Variants in STAT5B observed in about 807,000 individuals in gnomAD.
STAT5B encodes the protein transcription factor STAT5B.
A neutral mutation model predicts 107.8 loss-of-function variants in STAT5B; 21 were observed. The ratio of observed to expected loss-of-function variants is 0.19; its 90% CI spans 0.14 to 0.28. STAT5B has a LOEUF of 0.28. Among genes scored for constraint, STAT5B ranks in the 10% least tolerant of loss-of-function variants. STAT5B has a pLI of 1.00. For missense variants in STAT5B, 565 were observed against 1,008.2 expected, an observed-to-expected ratio of 0.56 and a Z score of 5.95; for synonymous variants, 325 against 401.7, an observed-to-expected ratio of 0.81 and a Z score of 2.28.
chr17:42,253,694 G>C (rs2080518500), intron 1 of STAT5B, among the ~76,000 whole-genome samples: 1 of 152,068 alleles, frequency 6.6e-6, no homozygotes, highest in East Asian at 1.9e-4. Flanking sequence ...ATTATTTTTA[G>C]AGACAGGGTC....
intron 1 of STAT5B, among the ~76,000 whole-genome samples, chr17:42,239,969 T>C (rs1377123599): frequency 6.6e-6 from 1 of 151,820 alleles, no homozygotes; most frequent in Non-Finnish European, 1.5e-5. Context: ...CTACTAAAAA[T>C]TAAAAAAGAA....
chr17:42,244,647 C>T lies in STAT5B; in HGVS notation c.-10-12510G>A, dbSNP rs374175225. 1.8e-3 allele frequency among the ~76,000 whole-genome samples: 275 copies of T among 152,188 alleles called. 2 individuals are homozygous for T. Among genetic ancestry groups the T allele is most frequent in the African/African-American group, 6.2e-3 (256 of 41,514 alleles). ...ATATTTTCCCTATTAAAGTTCATGG[C>T]CTCCCTCTTACCATTGAGAATTACA... On this transcript the variant is annotated intron_variant, in intron 1 of 18. Coordinates refer to ENST00000293328, the MANE Select transcript of STAT5B (RefSeq NM_012448.4).
At chr17:42,229,212 C>T (rs1255768056) in intron 2 of STAT5B, among the ~76,000 whole-genome samples, 4 of 152,130 alleles carry the variant, frequency 2.6e-5, no homozygotes, top group African/African-American at 7.2e-5. Context: ...TGCAGTAGCA[C>T]GATCTTAGCT....
At chr17:42,226,605 C>T (rs2080273968) in intron 3 of STAT5B, among the ~76,000 whole-genome samples, 1 of 151,362 alleles carries the variant, frequency 6.6e-6, no homozygotes, top group African/African-American at 2.4e-5. Flanking sequence ...GTCGGGAGTT[C>T]GAAACCAGCC....
At chr17:42,223,813 T>C (rs201078119) in intron 4 of STAT5B, among the ~76,000 whole-genome samples, 1 of 152,060 alleles carries the variant, frequency 6.6e-6, no homozygotes, top group East Asian at 1.9e-4. Flanking sequence ...ACCAGAGTAT[T>C]CCAAACGAGG....
intron 1 of STAT5B, among the ~76,000 whole-genome samples, chr17:42,238,202 T>C (rs910268673): frequency 2.6e-5 from 4 of 151,218 alleles, no homozygotes; most frequent in South Asian, 2.1e-4. Flanking sequence ...GGTGTGATCA[T>C]GGTTCACTGC....
rs1469214587 is a variant in STAT5B at position 42,201,549 on chromosome 17, C to A, written c.*189G>T. On this transcript the variant is annotated 3_prime_UTR_variant, in exon 19 of 19. Transcript: ENST00000293328. ...GCACACACACACACACACACACACACACACAAACACATACTCGCACTCCCT... is the reference window on the plus strand; with the variant it reads ...GCACACACACACACACACACACACAAACACAAACACATACTCGCACTCCCT... The A allele has an allele frequency of 3.0e-6, 2 of 666,006 alleles. No individual in the cohort carries two copies. Among genetic ancestry groups the A allele is most frequent in the African/African-American group, 1.8e-5 (1 of 55,482 alleles). 41.3% of individuals were successfully genotyped at this position (666,006 alleles called of 1,614,324 possible). A position where few individuals can be genotyped will look rare whatever the true frequency, so the allele number is the denominator to read the frequency against.
intron 1 of STAT5B, chr17:42,234,987 G>C (rs902557173): frequency 3.9e-5 from 6 of 152,218 alleles, no homozygotes; most frequent in Admixed American, 3.3e-4. Flanking sequence ...AGAGTAAGAA[G>C]TAGGCCCTCA....
chr17:42,243,556 C>T (rs1228936110), intron 1 of STAT5B, among the ~76,000 whole-genome samples: 1 of 152,072 alleles, frequency 6.6e-6, no homozygotes, highest in Non-Finnish European at 1.5e-5. Flanking sequence ...GCAGGAGAAA[C>T]GGAAGAGTGA....
At chr17:42,250,673 C>T (rs2144358012) in intron 1 of STAT5B, among the ~76,000 whole-genome samples, 1 of 152,064 alleles carries the variant, frequency 6.6e-6, no homozygotes, top group African/African-American at 2.4e-5. Context: ...GCCTGTAATC[C>T]CAGCACTTTA....
intron 1 of STAT5B, among the ~76,000 whole-genome samples, chr17:42,253,756 G>T (rs2080519103): frequency 2.0e-5 from 3 of 152,118 alleles, no homozygotes; most frequent in Admixed American, 1.3e-4. Flanking sequence ...ACTCATTGCA[G>T]CCTGTGACTC....
chr17:42,239,952 C>G (rs1359653099), intron 1 of STAT5B, among the ~76,000 whole-genome samples: 3 of 152,112 alleles, frequency 2.0e-5, no homozygotes, highest in Non-Finnish European at 2.9e-5. Flanking sequence ...ATGGCGAAAC[C>G]CCATCTCTAC....
At chr17:42,272,294 T>C (rs535608560) in intron 1 of STAT5B, 1 of 152,118 alleles carries the variant, frequency 6.6e-6, no homozygotes, top group South Asian at 2.1e-4. Context: ...TTTAAGCGAG[T>C]CCAGAAAAAC....
rs1567659427 is a variant in STAT5B at position 42,218,381 on chromosome 17, A to G, written c.990-51T>C. On this transcript the variant is annotated intron_variant, in intron 8 of 18. Transcript: ENST00000293328. The stretch of plus-strand genomic sequence containing the variant: ...ATGATGAGGGGCTGGTGCAGGGGAA[A>G]GGGCTCTCAGTCCCTCTGTGGTGGG... 3.2e-6 allele frequency: 5 copies of G among 1,585,400 alleles called. No individual in the cohort carries two copies. The South Asian group carries it at 3.4e-5, about 11-fold the overall frequency.
At chr17:42,213,339 TG>T (rs1237715265) in intron 12 of STAT5B, among the ~76,000 whole-genome samples, 1 of 151,988 alleles carries the variant, frequency 6.6e-6, no homozygotes, top group African/African-American at 2.4e-5. Context: ...CCCAAACAGC[TG>T]GGACTACAGG....
chr17:42,239,119 G>C (rs767201262), intron 1 of STAT5B, among the ~76,000 whole-genome samples: 1 of 151,608 alleles, frequency 6.6e-6, no homozygotes, highest in Non-Finnish European at 1.5e-5. Flanking sequence ...GTGGTGCCAT[G>C]CTCCTGTAGT....
chr17:42,218,540 C>T (rs2080194271), intron 8 of STAT5B, among the ~76,000 whole-genome samples, 183 bp downstream of exon 8: 1 of 152,130 alleles, frequency 6.6e-6, no homozygotes, highest in South Asian at 2.1e-4. Flanking sequence ...TGGGCTGCAG[C>T]CCAAGGGCAT....
At chr17:42,234,159 T>A (rs1444231213) in intron 1 of STAT5B, 2 of 152,222 alleles carry the variant, frequency 1.3e-5, no homozygotes, top group African/African-American at 2.4e-5. Flanking sequence ...TGTACAAGTG[T>A]GTCAGGAAAT....
chr17:42,224,150 C>T (rs565474626), intron 4 of STAT5B, among the ~76,000 whole-genome samples: 26 of 152,276 alleles, frequency 1.7e-4, no homozygotes, highest in African/African-American at 6.0e-4. Context: ...GTGACCTGAT[C>T]AGACCACTCC....
Sources: allele counts gnomAD v4.1 joint callset (sites outside exome capture counted in the v4.1 genomes callset), GRCh38; gene constraint gnomAD v4.1.1; transcripts MANE v1.5; gene names NCBI Gene and HGNC (gene_info 2026-07-23, HGNC 2026-07-21).